The following CALCR variants were observed in gnomAD, a reference collection of about 807,000 sequenced individuals.
CALCR encodes the protein calcitonin receptor.
In CALCR, 47 loss-of-function variants were observed where a neutral mutation model predicts 59.5. That is an observed-to-expected ratio of 0.79 (90% CI 0.63 to 1.01). The LOEUF (loss-of-function observed/expected upper bound fraction) is 1.01. Ranked by LOEUF, CALCR falls within the 50% of genes least tolerant of loss-of-function variation. CALCR has a pLI of 0.00. For missense variants in CALCR, 566 were observed against 597.1 expected, an observed-to-expected ratio of 0.95 and a Z score of 0.54; for synonymous variants, 213 against 211.3, an observed-to-expected ratio of 1.01 and a Z score of -0.07.
chr7:93,460,572 A>AAAATATATAT (rs1554397787), intron 8 of CALCR, among the ~76,000 whole-genome samples: 6 of 66,514 alleles, frequency 9.0e-5, no homozygotes, highest in African/African-American at 6.0e-4. Flanking sequence ...AAAAAAAAAA[A>AAAATATATAT]ATATATATAT....
At chr7:93,574,095 T>C (rs568719584) in intron 2 of CALCR, among the ~76,000 whole-genome samples, 194 bp downstream of exon 2, 1 of 152,346 alleles carries the variant, frequency 6.6e-6, no homozygotes, top group South Asian at 2.1e-4. Context: ...CCAGGACACC[T>C]ATTTTTCTTT....
chr7:93,503,747 T>C (rs927381547), intron 2 of CALCR, among the ~76,000 whole-genome samples: 9 of 152,138 alleles, frequency 5.9e-5, no homozygotes, highest in South Asian at 2.1e-4. Flanking sequence ...CTCACCTTAA[T>C]TGCTTGGGTC....
chr7:93,425,122 T>G lies in CALCR; in HGVS notation c.*1234A>C, dbSNP rs2115632373. ...AGTAACGATACTGGTTTATTCAGGA[T>G]TTTCAAAAATCTTATACTGGGAAGT... On this transcript the variant is annotated 3_prime_UTR_variant, in exon 14 of 14. Transcript: ENST00000426151. 6.5e-6 allele frequency: 1 copy of G among 152,704 alleles called. No homozygotes were observed. The highest frequency in any genetic ancestry group is 2.4e-5 in the African/African-American group (1 of 41,546). 9.5% of individuals were successfully genotyped at this position (152,704 alleles called of 1,614,324 possible). A position where few individuals can be genotyped will look rare whatever the true frequency, so the allele number is the denominator to read the frequency against.
chr7:93,433,565 T>C (rs1384839141), intron 13 of CALCR, among the ~76,000 whole-genome samples: 4 of 152,046 alleles, frequency 2.6e-5, no homozygotes, highest in African/African-American at 7.2e-5. Flanking sequence ...CCCTGAAAAA[T>C]GAGGAAGATT....
intron 2 of CALCR, among the ~76,000 whole-genome samples, chr7:93,497,747 G>A (rs1216444426): frequency 6.6e-6 from 1 of 151,484 alleles, no homozygotes; most frequent in Non-Finnish European, 1.5e-5. Flanking sequence ...CAGTTTCCAT[G>A]GAGAACCCAG....
chr7:93,481,418 C>T (rs968871824), intron 3 of CALCR, among the ~76,000 whole-genome samples: 1 of 151,400 alleles, frequency 6.6e-6, no homozygotes, highest in Admixed American at 6.6e-5. Context: ...AGCACCTTCT[C>T]AATAATAAAA....
chr7:93,517,849 T>C (rs1211059470), intron 2 of CALCR, among the ~76,000 whole-genome samples: 1 of 151,826 alleles, frequency 6.6e-6, no homozygotes, highest in Non-Finnish European at 1.5e-5. Flanking sequence ...ATTAGTTCAA[T>C]ATAACTAAAC....
In CALCR at chr7:93,481,099, T is replaced by C. The variant is rs529918225; in HGVS notation, c.52-1592A>G. On this transcript the variant is annotated intron_variant, in intron 3 of 13. Coordinates refer to ENST00000426151, the MANE Select transcript of CALCR (RefSeq NM_001742.4). ...CGTAAAATAAGAAGAGCGGTAAGAA[T>C]AATATTTATCATCTGTCATGTTGTG... 3.3e-5 allele frequency among the ~76,000 whole-genome samples: 5 copies of C among 152,006 alleles called. No homozygotes were observed. In the East Asian group the frequency reaches 9.8e-4, roughly 30 times the overall value.
chr7:93,528,069 A>T (rs1429234030), intron 2 of CALCR, among the ~76,000 whole-genome samples: 1 of 152,154 alleles, frequency 6.6e-6, no homozygotes, highest in East Asian at 1.9e-4. Flanking sequence ...CAGAGTCTAA[A>T]ACTGCTCAGA....
At chr7:93,473,288 C>T (rs1800595301) in intron 5 of CALCR, among the ~76,000 whole-genome samples, 1 of 151,784 alleles carries the variant, frequency 6.6e-6, no homozygotes, top group South Asian at 2.1e-4. Context: ...AATAATGAGT[C>T]TTTGAAGTGA....
chr7:93,434,248 CT>C lies in CALCR; in HGVS notation c.1191+4del. ...GTGATAGTATTATATGAAATGCATG[CT>C]TACCTCATTGTTGCAGAAGCAGTAG... On this transcript the variant is annotated splice_donor_region_variant and intron_variant, in intron 13 of 13. Transcript: ENST00000426151. 1 of 1,604,016 alleles carries C rather than the reference CT, an allele frequency of 6.2e-7. No individual in the cohort carries two copies. The highest frequency in any genetic ancestry group is 8.5e-7 in the Non-Finnish European group (1 of 1,170,952).
intron 2 of CALCR, among the ~76,000 whole-genome samples, chr7:93,554,774 T>TAC (rs1424962230): frequency 1.6e-4 from 19 of 115,496 alleles, no homozygotes; most frequent in Non-Finnish European, 3.1e-4. Flanking sequence ...GCCATGTATA[T>TAC]ATATATATAT....
chr7:93,503,620 A>T (rs1421084182), intron 2 of CALCR, among the ~76,000 whole-genome samples: 1 of 152,156 alleles, frequency 6.6e-6, no homozygotes, highest in Non-Finnish European at 1.5e-5. Context: ...GAGGAAATGA[A>T]CTATCTTGTT....
At chr7:93,462,212 CATT>C in intron 7 of CALCR, 1 of 586,434 alleles carries the variant, frequency 1.7e-6, no homozygotes, top group South Asian at 2.2e-5. Flanking sequence ...TATAGTAACT[CATT>C]AATAAATAAT....
At chr7:93,478,772 G>T (rs953262231) in intron 4 of CALCR, among the ~76,000 whole-genome samples, 1 of 151,624 alleles carries the variant, frequency 6.6e-6, no homozygotes, top group Non-Finnish European at 1.5e-5. Context: ...TTTTCTATGG[G>T]TCCTCTACAG....
chr7:93,477,171 T>C (rs1800683518), intron 5 of CALCR, among the ~76,000 whole-genome samples: 1 of 151,918 alleles, frequency 6.6e-6, no homozygotes, highest in Non-Finnish European at 1.5e-5. Flanking sequence ...CAGGGACCTA[T>C]ATGTTGTGCC....
chr7:93,543,617 A>T (rs1331916096), intron 2 of CALCR, among the ~76,000 whole-genome samples: 1 of 151,980 alleles, frequency 6.6e-6, no homozygotes, highest in African/African-American at 2.4e-5. Context: ...TATGCAGTCC[A>T]TATTTGACTT....
intron 2 of CALCR, among the ~76,000 whole-genome samples, chr7:93,495,723 T>G (rs1046785949): frequency 1.3e-5 from 2 of 151,414 alleles, no homozygotes; most frequent in Non-Finnish European, 3.0e-5. Flanking sequence ...AACAAAAACC[T>G]GGACAGGAGC....
At chr7:93,452,553 A>C (rs1800131548) in intron 8 of CALCR, among the ~76,000 whole-genome samples, 1 of 152,038 alleles carries the variant, frequency 6.6e-6, no homozygotes, top group Non-Finnish European at 1.5e-5. Context: ...GAATTTAAGG[A>C]TGCAACATTT....
Sources: gnomAD v4.1 joint callset for allele counts (sites outside exome capture counted in the v4.1 genomes callset) on GRCh38, gnomAD v4.1.1 for gene constraint, MANE v1.5 for transcripts, NCBI Gene and HGNC (gene_info 2026-07-23, HGNC 2026-07-21) for gene names.